The following FOCAD variants were observed in gnomAD, a reference collection of about 807,000 sequenced individuals.
The protein encoded by FOCAD is KIAA1797.
A neutral mutation model predicts 225.6 loss-of-function variants in FOCAD; 198 were observed. The ratio of observed to expected loss-of-function variants is 0.88; its 90% CI spans 0.78 to 0.99. FOCAD has a LOEUF of 0.99. FOCAD is among the 50% of genes least tolerant of loss of function. FOCAD has a pLI of 0.00. For synonymous variants in FOCAD, 897 were observed against 755.0 expected (o/e 1.19, Z -3.08); for missense variants, 2,713 against 2,123.6 (o/e 1.28, Z -5.46).
intron 33 of FOCAD, 92 bp from the exon 34 acceptor site, chr9:20,950,904 C>G (rs1384335559): frequency 2.8e-6 from 3 of 1,079,548 alleles, no homozygotes; most frequent in Admixed American, 1.7e-5. Context: ...GCCACCACCT[C>G]CTAAATGACT....
intron 21 of FOCAD, among the ~76,000 whole-genome samples, chr9:20,888,920 A>G (rs1434667603): frequency 6.6e-6 from 1 of 152,218 alleles, no homozygotes; most frequent in Non-Finnish European, 1.5e-5. Context: ...TTTCTTGTGC[A>G]AATTACCCAG....
intron 19 of FOCAD, among the ~76,000 whole-genome samples, chr9:20,879,438 G>A (rs1200717016): frequency 6.6e-6 from 1 of 152,192 alleles, no homozygotes; most frequent in African/African-American, 2.4e-5. Flanking sequence ...GTGTGGGACT[G>A]TGTCTTTTGG....
intron 40 of FOCAD, among the ~76,000 whole-genome samples, 156 bp from the exon 41 acceptor site, chr9:20,988,176 A>G (rs762800652): frequency 6.6e-6 from 1 of 152,228 alleles, no homozygotes; most frequent in Non-Finnish European, 1.5e-5. Flanking sequence ...ACTCTCTCAC[A>G]GGCAGTCACA....
At chr9:20,831,642 G>A (rs1825503624) in intron 15 of FOCAD, among the ~76,000 whole-genome samples, 1 of 152,018 alleles carries the variant, frequency 6.6e-6, no homozygotes, top group South Asian at 2.1e-4. Flanking sequence ...ATTAGGAACT[G>A]GAGGAAAGAG....
At chr9:20,960,900 A>T (rs1006132373) in intron 35 of FOCAD, among the ~76,000 whole-genome samples, 3 of 152,066 alleles carry the variant, frequency 2.0e-5, no homozygotes, top group African/African-American at 7.2e-5. Context: ...AGCTTCATCC[A>T]TGTCCCTACA....
In FOCAD at chr9:20,884,794, G is replaced by T. The variant is rs889892438; in HGVS notation, c.2504-315G>T. Among the ~76,000 whole-genome samples the T allele has an allele frequency of 1.6e-4, 24 of 151,282 alleles. No homozygotes were observed. The Middle Eastern group carries it at 0.017, about 108-fold the overall frequency. On this transcript the variant is annotated intron_variant, in intron 20 of 43. Transcript: ENST00000338382. ...ATGTCTTTGTAAGCTGGGCGCGGTGGCTCACACCTGTAATCCCAGCGCTTT... is the reference window on the plus strand; with the variant it reads ...ATGTCTTTGTAAGCTGGGCGCGGTGTCTCACACCTGTAATCCCAGCGCTTT...
At chr9:20,903,610 TTTTCTC>T (rs1832724126) in intron 21 of FOCAD, among the ~76,000 whole-genome samples, 1 of 152,060 alleles carries the variant, frequency 6.6e-6, no homozygotes, top group South Asian at 2.1e-4. Context: ...TTCACTAACT[TTTTCTC>T]TTTCTACTCT....
Position 20,781,674 on chromosome 9 carries a change from G to A in FOCAD, c.995-53G>A. Reference sequence around the variant, plus strand: ...TCATTCTTAAGCAAAATTGCATTTTGTTTGACTGTGGTATTAATTTTTAAA... The same window carrying A: ...TCATTCTTAAGCAAAATTGCATTTTATTTGACTGTGGTATTAATTTTTAAA... On this transcript the variant is annotated intron_variant, in intron 9 of 43. Transcript: ENST00000338382. The A allele has an allele frequency of 3.9e-6, 6 of 1,546,548 alleles. No individual in the cohort carries two copies. In the South Asian group the frequency reaches 5.6e-5, roughly 14 times the overall value.
intron 21 of FOCAD, among the ~76,000 whole-genome samples, chr9:20,892,763 TAGAG>T (rs1831729929): frequency 6.6e-6 from 1 of 152,144 alleles, no homozygotes; most frequent in South Asian, 2.1e-4. Context: ...GATTCCACCT[TAGAG>T]AGAAGTTCTA....
intron 28 of FOCAD, among the ~76,000 whole-genome samples, chr9:20,937,767 G>T (rs2132264118): frequency 6.6e-6 from 1 of 152,108 alleles, no homozygotes; most frequent in African/African-American, 2.4e-5. Flanking sequence ...CACAGCAAAA[G>T]AAACTACCAT....
At chr9:20,982,167 C>CA (rs138719230) in intron 38 of FOCAD, among the ~76,000 whole-genome samples, 190 bp from the exon 39 acceptor site, 1,913 of 151,894 alleles carry the variant, frequency 0.013, 32 homozygotes, top group African/African-American at 0.042. Flanking sequence ...CAAAACAAAA[C>CA]AAAAAAACAC....
At position 20,923,627 on chromosome 9, in the gene FOCAD, G is replaced by A. The variant is rs539925818; in HGVS notation, c.2853-33G>A. On this transcript the variant is annotated intron_variant, in intron 24 of 43. Coordinates refer to ENST00000338382, the MANE Select transcript of FOCAD (RefSeq NM_001375567.1). The stretch of plus-strand genomic sequence containing the variant: ...TTCTCTTCTTCTGGTTAATACCAAA[G>A]TTCTCTGTTGAAATTTTTTTCCTTT... The A allele has an allele frequency of 9.0e-6, 14 of 1,564,126 alleles. 1 individual carries two copies. The South Asian group carries it at 1.5e-4, about 16-fold the overall frequency.
intron 15 of FOCAD, 142 bp downstream of exon 15, chr9:20,823,257 A>G: frequency 1.1e-6 from 1 of 894,992 alleles, no homozygotes; most frequent in Non-Finnish European, 1.6e-6. Flanking sequence ...AAAGTGAAGC[A>G]AGACCTACTT....
intron 21 of FOCAD, among the ~76,000 whole-genome samples, chr9:20,901,790 A>G (rs1167443669): frequency 6.6e-6 from 1 of 151,938 alleles, no homozygotes; most frequent in African/African-American, 2.4e-5. Flanking sequence ...TTAAAAGTTT[A>G]CAGAATTTCA....
intron 11 of FOCAD, among the ~76,000 whole-genome samples, chr9:20,803,560 G>C (rs372675334): frequency 6.6e-6 from 1 of 152,102 alleles, no homozygotes; most frequent in Non-Finnish European, 1.5e-5. Context: ...AGGGAACATG[G>C]GCAAGAGAAC....
chr9:20,881,983 A>G lies in FOCAD; in HGVS notation c.2430A>G (p.Val810=). Residue 810 remains valine (V), a synonymous_variant, in exon 20 of 44, where the codon GTA becomes GTG. Transcript: ENST00000338382. ...GGARSDQGKT[V]AGIPNFILKM... ...CCCGCTCAGACCAAGGAAAGACTGTAGCAGGAATCCCCAATTTTATATTGA... is the reference window on the plus strand; with the variant it reads ...CCCGCTCAGACCAAGGAAAGACTGTGGCAGGAATCCCCAATTTTATATTGA... 3 of 1,613,998 alleles carry G rather than the reference A, an allele frequency of 1.9e-6. No individual in the cohort carries two copies. Among genetic ancestry groups the G allele is most frequent in the Non-Finnish European group, 2.5e-6 (3 of 1,179,906 alleles).
At chr9:20,751,064 T>C (rs1828494351) in intron 5 of FOCAD, among the ~76,000 whole-genome samples, 1 of 152,120 alleles carries the variant, frequency 6.6e-6, no homozygotes, top group South Asian at 2.1e-4. Flanking sequence ...ATCACTTGAT[T>C]TGTGGCAGAG....
At chr9:20,971,533 G>T (rs890942764) in intron 35 of FOCAD, among the ~76,000 whole-genome samples, 1 of 151,762 alleles carries the variant, frequency 6.6e-6, no homozygotes, top group Admixed American at 6.6e-5. Flanking sequence ...TTCACCTCCC[G>T]GGTTCAAGCA....
At chr9:20,834,979 A>C (rs2131526466) in intron 15 of FOCAD, among the ~76,000 whole-genome samples, 1 of 152,218 alleles carries the variant, frequency 6.6e-6, no homozygotes, top group South Asian at 2.1e-4. Flanking sequence ...ATTTAAAATA[A>C]TTTTACCTTT....
Sources: allele counts gnomAD v4.1 joint callset (sites outside exome capture counted in the v4.1 genomes callset), GRCh38; gene constraint gnomAD v4.1.1; transcripts MANE v1.5; gene names NCBI Gene and HGNC (gene_info 2026-07-23, HGNC 2026-07-21).